CCDC85A: variants seen among roughly 807,000 people sequenced by gnomAD.
The protein encoded by CCDC85A is coiled-coil domain containing 85A.
In CCDC85A, 38 loss-of-function variants were observed where a neutral mutation model predicts 50.2. The observed-to-expected ratio is 0.76, with a 90% CI of 0.58 to 0.99. CCDC85A has a LOEUF of 0.99. Among genes scored for constraint, CCDC85A ranks in the 50% least tolerant of loss-of-function variants. CCDC85A has a pLI of 0.00. For missense variants in CCDC85A, 820 were observed against 742.0 expected (o/e 1.11, Z -1.22); for synonymous variants, 366 against 301.4 (o/e 1.21, Z -2.22).
At chr2:56,186,479 T>A (rs1676052773) in intron 1 of CCDC85A, among the ~76,000 whole-genome samples, 1 of 152,184 alleles carries the variant, frequency 6.6e-6, no homozygotes, top group African/African-American at 2.4e-5. Context: ...AAATGGTAGT[T>A]ACTGTCATCA....
intron 2 of CCDC85A, among the ~76,000 whole-genome samples, chr2:56,222,184 A>G (rs1200536349): frequency 6.6e-6 from 1 of 152,172 alleles, no homozygotes; most frequent in African/African-American, 2.4e-5. Flanking sequence ...AGAATAAAGC[A>G]AAACTAGAAA....
chr2:56,210,988 T>A (rs567569971), intron 2 of CCDC85A, among the ~76,000 whole-genome samples: 7 of 152,220 alleles, frequency 4.6e-5, no homozygotes, highest in Non-Finnish European at 8.8e-5. Context: ...GGGACAAGCA[T>A]GTTTTCATTT....
chr2:56,376,346 G>A (rs977578022), intron 5 of CCDC85A, among the ~76,000 whole-genome samples: 1 of 152,090 alleles, frequency 6.6e-6, no homozygotes, highest in Non-Finnish European at 1.5e-5. Context: ...TGATGCAATT[G>A]AAGTACATTA....
At chr2:56,327,280 A>G (rs774450839) in intron 2 of CCDC85A, among the ~76,000 whole-genome samples, 1 of 152,164 alleles carries the variant, frequency 6.6e-6, no homozygotes, top group Non-Finnish European at 1.5e-5. Flanking sequence ...AAGATCATCT[A>G]CCTCAGTATT....
At chr2:56,324,894 C>G (rs189253909) in intron 2 of CCDC85A, among the ~76,000 whole-genome samples, 1 of 152,008 alleles carries the variant, frequency 6.6e-6, no homozygotes, top group Non-Finnish European at 1.5e-5. Context: ...CCCCATGGGA[C>G]ATGGATTTAA....
intron 2 of CCDC85A, among the ~76,000 whole-genome samples, chr2:56,217,240 C>G (rs1337266517): frequency 6.6e-6 from 1 of 151,870 alleles, no homozygotes; most frequent in East Asian, 1.9e-4. Context: ...TCACCTAGTC[C>G]TCTTGTCCCC....
intron 2 of CCDC85A, among the ~76,000 whole-genome samples, chr2:56,246,521 G>T (rs529493438): frequency 6.8e-4 from 103 of 151,818 alleles, no homozygotes; most frequent in African/African-American, 2.4e-3. Context: ...TAAGATCTTT[G>T]GTCCATTTTG....
chr2:56,261,484 T>G (rs185666066), intron 2 of CCDC85A, among the ~76,000 whole-genome samples: 7 of 152,354 alleles, frequency 4.6e-5, no homozygotes, highest in African/African-American at 1.7e-4. Context: ...CAGCATACAT[T>G]GCACCCTGGT....
intron 2 of CCDC85A, among the ~76,000 whole-genome samples, chr2:56,338,590 T>G (rs1674198989): frequency 6.6e-6 from 1 of 152,194 alleles, no homozygotes; most frequent in South Asian, 2.1e-4. Flanking sequence ...GTGTTGAGTT[T>G]CTTATACTTT....
At chr2:56,294,156 A>C (rs953883815) in intron 2 of CCDC85A, among the ~76,000 whole-genome samples, 1 of 152,226 alleles carries the variant, frequency 6.6e-6, no homozygotes, top group African/African-American at 2.4e-5. Context: ...ATGGACCTGG[A>C]AGCCATTATC....
At chr2:56,258,419 C>A (rs1423569064) in intron 2 of CCDC85A, among the ~76,000 whole-genome samples, 1 of 152,142 alleles carries the variant, frequency 6.6e-6, no homozygotes, top group East Asian at 1.9e-4. Flanking sequence ...AGCAGATAGG[C>A]CACACTCTCC....
intron 2 of CCDC85A, among the ~76,000 whole-genome samples, chr2:56,194,824 TTCAC>T (rs1676460651): frequency 6.6e-6 from 1 of 152,160 alleles, no homozygotes; most frequent in East Asian, 1.9e-4. Flanking sequence ...AGGTTGAACC[TTCAC>T]TCACTCTTCC....
intron 1 of CCDC85A, among the ~76,000 whole-genome samples, chr2:56,186,038 G>T (rs1406333832): frequency 1.3e-5 from 2 of 152,192 alleles, no homozygotes; most frequent in Admixed American, 1.3e-4. Context: ...GGGATTCTGG[G>T]GCAAGAAAGA....
intron 2 of CCDC85A, among the ~76,000 whole-genome samples, chr2:56,263,199 G>A (rs1159344696): frequency 6.6e-6 from 1 of 152,130 alleles, no homozygotes; most frequent in Non-Finnish European, 1.5e-5. Context: ...AGCACCCTTA[G>A]GATTGCTGTA....
chr2:56,259,753 C>A (rs531890333), intron 2 of CCDC85A, among the ~76,000 whole-genome samples: 14 of 152,260 alleles, frequency 9.2e-5, no homozygotes, highest in Middle Eastern at 3.4e-3. Flanking sequence ...AAAGTTCTGC[C>A]CTTAATGGAC....
intron 2 of CCDC85A, among the ~76,000 whole-genome samples, chr2:56,312,249 G>A (rs1672729347): frequency 6.6e-6 from 1 of 152,088 alleles, no homozygotes; most frequent in Non-Finnish European, 1.5e-5. Context: ...GAATGATTTA[G>A]AGTGCCTGTT....
intron 2 of CCDC85A, among the ~76,000 whole-genome samples, chr2:56,223,141 A>G (rs1017952059): frequency 1.2e-4 from 19 of 152,192 alleles, no homozygotes; most frequent in African/African-American, 4.1e-4. Flanking sequence ...TGAAATAAAT[A>G]TAAACTATTT....
At chr2:56,216,424 A>G (rs1053567727) in intron 2 of CCDC85A, among the ~76,000 whole-genome samples, 1 of 151,792 alleles carries the variant, frequency 6.6e-6, no homozygotes, top group East Asian at 1.9e-4. Flanking sequence ...ATTTTTTGCC[A>G]GTATGATGGG....
intron 5 of CCDC85A, among the ~76,000 whole-genome samples, chr2:56,378,042 A>C (rs563898846): frequency 6.6e-6 from 1 of 152,316 alleles, no homozygotes; most frequent in African/African-American, 2.4e-5. Context: ...AAATGTTTTT[A>C]CTTCCATGAG....
Sources: allele counts gnomAD v4.1 joint callset (sites outside exome capture counted in the v4.1 genomes callset), GRCh38; gene constraint gnomAD v4.1.1; transcripts MANE v1.5; gene names NCBI Gene and HGNC (gene_info 2026-07-23, HGNC 2026-07-21).